The following GABBR2 variants were observed in gnomAD, a reference collection of about 807,000 sequenced individuals.
The protein encoded by GABBR2 is gamma-aminobutyric acid type B receptor subunit 2, also known as G-protein coupled receptor 51.
A neutral mutation model predicts 105.6 loss-of-function variants in GABBR2; 23 were observed. The observed-to-expected ratio is 0.22, with a 90% CI of 0.16 to 0.31. The LOEUF is 0.31. Ranked by LOEUF, GABBR2 falls within the 10% of genes least tolerant of loss-of-function variation. GABBR2 has a pLI of 1.00. For synonymous variants in GABBR2, 478 were observed against 499.7 expected (o/e 0.96, Z 0.58); for missense variants, 734 against 1,245.5 (o/e 0.59, Z 6.18).
intron 13 of GABBR2, among the ~76,000 whole-genome samples, chr9:98,352,005 A>G (rs1831407383): frequency 1.3e-5 from 2 of 152,200 alleles, no homozygotes. Context: ...ACATGTGTCT[A>G]TAGTGTTGGC....
At chr9:98,369,293 G>A (rs1330102517) in intron 12 of GABBR2, among the ~76,000 whole-genome samples, 1 of 152,178 alleles carries the variant, frequency 6.6e-6, no homozygotes, top group African/African-American at 2.4e-5. Flanking sequence ...ATTTCCTAAG[G>A]TGGTTCGGGT....
intron 7 of GABBR2, among the ~76,000 whole-genome samples, chr9:98,436,517 C>T (rs1388188691): frequency 6.8e-6 from 1 of 148,100 alleles, no homozygotes; most frequent in Non-Finnish European, 1.5e-5. Context: ...GTGAGGGGTC[C>T]CTGGTCATTA....
In GABBR2 at chr9:98,454,248, A is replaced by T; in HGVS notation, c.1000-31T>A. On this transcript the variant is annotated intron_variant, in intron 6 of 18. Transcript: ENST00000259455. This position sits in a 1 kb window ranked among gnomAD's most constrained non-coding sequence, Gnocchi z 4.6. ...AAAACAGGGGATTGGGGGAATCCCAAGTTATACTCGGCAGGGACATCAGGT... is the reference window on the plus strand; with the variant it reads ...AAAACAGGGGATTGGGGGAATCCCATGTTATACTCGGCAGGGACATCAGGT... 2 of 1,451,782 alleles carry T rather than the reference A, an allele frequency of 1.4e-6. No homozygotes were observed. Among genetic ancestry groups the T allele is most frequent in the Non-Finnish European group, 1.9e-6 (2 of 1,031,924 alleles). The allele number at this position is 1,451,782 out of a possible 1,614,324, so 89.9% of individuals were successfully genotyped here.
intron 7 of GABBR2, among the ~76,000 whole-genome samples, chr9:98,447,537 ATGTGTGTGTGTGTGTGTGTGTG>A (rs58069151): frequency 1.4e-5 from 2 of 142,402 alleles, no homozygotes; most frequent in Non-Finnish European, 3.1e-5. Flanking sequence ...ACTAGTATGT[ATGTGTGTGTGTGTGTGTGTGTG>A]TGTGTGTGTG....
At chr9:98,642,924 C>T (rs1363101263) in intron 1 of GABBR2, among the ~76,000 whole-genome samples, 1 of 152,216 alleles carries the variant, frequency 6.6e-6, no homozygotes, top group Non-Finnish European at 1.5e-5. Flanking sequence ...CCTCCTCCTG[C>T]ACTGTCTCCC....
chr9:98,424,063 T>C (rs1452735308), intron 7 of GABBR2, among the ~76,000 whole-genome samples: 1 of 152,150 alleles, frequency 6.6e-6, no homozygotes, highest in Non-Finnish European at 1.5e-5. Context: ...ATGATGAACA[T>C]TGATACAAAA....
chr9:98,342,193 T>C (rs772376800), intron 13 of GABBR2, among the ~76,000 whole-genome samples: 26 of 152,060 alleles, frequency 1.7e-4, no homozygotes, highest in Admixed American at 9.8e-4. Flanking sequence ...GAGGAGATGC[T>C]TCTAAGCTGC....
At chr9:98,631,815 T>G (rs1369610606) in intron 1 of GABBR2, among the ~76,000 whole-genome samples, 1 of 152,246 alleles carries the variant, frequency 6.6e-6, no homozygotes, top group Non-Finnish European at 1.5e-5. Flanking sequence ...CAGCTTTTAG[T>G]CCAGACTTTA....
chr9:98,380,636 C>T (rs562057763), intron 11 of GABBR2, among the ~76,000 whole-genome samples: 25 of 152,310 alleles, frequency 1.6e-4, no homozygotes, highest in African/African-American at 5.3e-4. Flanking sequence ...GGAGACAGCA[C>T]GGGGTATAGC....
intron 5 of GABBR2, among the ~76,000 whole-genome samples, chr9:98,475,529 G>C (rs182458639): frequency 2.0e-5 from 3 of 152,260 alleles, no homozygotes; most frequent in African/African-American, 7.2e-5. Context: ...GTCCCATTAT[G>C]TGTGTTGCTA....
At chr9:98,334,419 C>T (rs1168884851) in intron 13 of GABBR2, among the ~76,000 whole-genome samples, 1 of 152,190 alleles carries the variant, frequency 6.6e-6, no homozygotes, top group African/African-American at 2.4e-5. Context: ...AGTTCTCATG[C>T]GTAGCAAGCA....
Position 98,607,156 on chromosome 9 carries a change from C to G in GABBR2, c.322-29084G>C, listed in dbSNP as rs1588249816. The G allele has an allele frequency of 3.7e-6, 6 of 1,610,216 alleles. No homozygotes were observed. The East Asian group carries it at 1.3e-4, about 36-fold the overall frequency. On this transcript the variant is annotated intron_variant, in intron 1 of 18. Coordinates refer to ENST00000259455, the MANE Select transcript of GABBR2 (RefSeq NM_005458.8). ...AAGAAGGTGGTGTTCAGTTGCTGCTCACAATAGTTGATACCCCAGGATTTG... is the reference window on the plus strand; with the variant it reads ...AAGAAGGTGGTGTTCAGTTGCTGCTGACAATAGTTGATACCCCAGGATTTG...
intron 1 of GABBR2, among the ~76,000 whole-genome samples, chr9:98,700,254 C>T (rs2131886158): frequency 6.6e-6 from 1 of 152,346 alleles, no homozygotes; most frequent in East Asian, 1.9e-4. Context: ...CAGGCAGTGT[C>T]TGTGGCAGCC....
At chr9:98,615,967 C>T (rs1345078312) in intron 1 of GABBR2, among the ~76,000 whole-genome samples, 1 of 152,230 alleles carries the variant, frequency 6.6e-6, no homozygotes, top group African/African-American at 2.4e-5. Flanking sequence ...ATAAGTAGTA[C>T]TTCCTTCATG....
intron 1 of GABBR2, among the ~76,000 whole-genome samples, chr9:98,638,770 T>C (rs1329322727): frequency 6.6e-6 from 1 of 152,140 alleles, no homozygotes; most frequent in Non-Finnish European, 1.5e-5. Context: ...ATAAAGGTAA[T>C]CACCCCAGCA....
At chr9:98,607,152 TG>T in intron 1 of GABBR2, 1 of 1,610,364 alleles carries the variant, frequency 6.2e-7, no homozygotes, top group Non-Finnish European at 8.5e-7. Flanking sequence ...GTTCAGTTGC[TG>T]CTCACAATAG....
At chr9:98,622,934 A>C (rs573311281) in intron 1 of GABBR2, among the ~76,000 whole-genome samples, 20 of 152,298 alleles carry the variant, frequency 1.3e-4, no homozygotes, top group African/African-American at 4.3e-4. Context: ...CACAGAATGT[A>C]CAACACTATG....
chr9:98,322,731 G>C (rs1830846073), intron 13 of GABBR2, among the ~76,000 whole-genome samples: 1 of 151,682 alleles, frequency 6.6e-6, no homozygotes, highest in Non-Finnish European at 1.5e-5. Flanking sequence ...GGGTTTCCTT[G>C]CCCTGGGATA....
chr9:98,602,475 T>G (rs12378855), intron 1 of GABBR2, among the ~76,000 whole-genome samples: 1 of 134,628 alleles, frequency 7.4e-6, no homozygotes, highest in African/African-American at 2.7e-5. Context: ...AAAAAAAAAA[T>G]GGTAAATGTC....
Sources: gnomAD v4.1 joint callset for allele counts (sites outside exome capture counted in the v4.1 genomes callset) on GRCh38, gnomAD v4.1.1 for gene constraint, Gnocchi (gnomAD v3.1) non-coding constraint, MANE v1.5 for transcripts, NCBI Gene and HGNC (gene_info 2026-07-23, HGNC 2026-07-21) for gene names.